Variants in NRG1 observed in about 807,000 individuals in gnomAD.
NRG1 encodes the protein neuregulin 1.
NRG1 carries 18 observed loss-of-function variants against 63.8 expected under a neutral mutation model. The observed-to-expected ratio is 0.28, with a 90% confidence interval of 0.19 to 0.42. The LOEUF (loss-of-function observed/expected upper bound fraction) is 0.42, where lower values mean the gene tolerates loss of function less well. Ranked by LOEUF, NRG1 falls within the 10% of genes least tolerant of loss-of-function variation. The pLI is 1.00. For synonymous variants in NRG1, 302 were observed against 301.3 expected (o/e 1.00, Z -0.02); for missense variants, 762 against 814.7 (o/e 0.94, Z 0.79).
chr8:31,747,489 C>G (rs1434529544), intron 1 of NRG1, among the ~76,000 whole-genome samples: 2 of 151,996 alleles, frequency 1.3e-5, no homozygotes, highest in African/African-American at 4.8e-5. Context: ...TTCAGAGTGT[C>G]TCCTCATCAT....
intron 1 of NRG1, among the ~76,000 whole-genome samples, chr8:31,652,954 T>C (rs536304004): frequency 4.9e-4 from 11 of 22,436 alleles, no homozygotes; most frequent in African/African-American, 1.1e-3. Context: ...CTTCCTCTCT[T>C]CTCTCCTCTC....
chr8:32,094,744 T>G (rs886489422), intron 1 of NRG1, among the ~76,000 whole-genome samples: 3 of 152,100 alleles, frequency 2.0e-5, no homozygotes, highest in African/African-American at 7.2e-5. Flanking sequence ...ACTAACACCT[T>G]GACAAAGTGT....
intron 1 of NRG1, among the ~76,000 whole-genome samples, chr8:31,819,934 T>G (rs1006114878): frequency 6.6e-6 from 1 of 152,226 alleles, no homozygotes; most frequent in East Asian, 1.9e-4. Context: ...TCTTCATCTT[T>G]ACATCAAGTT....
chr8:32,579,019 A>G (rs1295244246), intron 1 of NRG1, among the ~76,000 whole-genome samples: 1 of 152,132 alleles, frequency 6.6e-6, no homozygotes, highest in Non-Finnish European at 1.5e-5. Context: ...TGATATTTTT[A>G]TCAGCAAAGA....
chr8:32,565,421 T>C (rs988451607), intron 1 of NRG1, among the ~76,000 whole-genome samples: 2 of 152,230 alleles, frequency 1.3e-5, no homozygotes, highest in Non-Finnish European at 1.5e-5. Context: ...ATGCCCGGTC[T>C]AGAACTTTAA....
intron 1 of NRG1, among the ~76,000 whole-genome samples, chr8:31,895,150 A>T (rs1409467097): frequency 6.6e-6 from 1 of 152,212 alleles, no homozygotes; most frequent in East Asian, 1.9e-4. Context: ...ATGAGAGATT[A>T]AGGTCCCCTG....
In NRG1 at chr8:31,691,519, C is replaced by T. The variant is rs537778277; in HGVS notation, c.37+52088C>T. The stretch of plus-strand genomic sequence containing the variant: ...CTGAGGCGGGAGAACGGCATGAACC[C>T]GGGAGGCGGAGCTTGCAGTGAGCCG... On this transcript the variant is annotated intron_variant, in intron 1 of 10. Coordinates refer to the NRG1 transcript ENST00000519301. 9.2e-3 allele frequency among the ~76,000 whole-genome samples: 1,184 copies of T among 128,784 alleles called. 11 individuals carry two copies. Among genetic ancestry groups the T allele is most frequent in the African/African-American group, 0.032 (1,114 of 34,938 alleles). The allele number at this position is 128,784 out of a possible 152,430, so 84.5% of individuals were successfully genotyped here. A position where few individuals can be genotyped will look rare whatever the true frequency, so the allele number is the denominator to read the frequency against.
At chr8:32,072,018 T>G (rs887262773) in intron 1 of NRG1, among the ~76,000 whole-genome samples, 1 of 151,862 alleles carries the variant, frequency 6.6e-6, no homozygotes, top group Non-Finnish European at 1.5e-5. Context: ...AAAGGCAGAG[T>G]TCTTTCTTTT....
At chr8:32,279,224 T>C (rs1425634778) in intron 1 of NRG1, among the ~76,000 whole-genome samples, 1 of 152,222 alleles carries the variant, frequency 6.6e-6, no homozygotes, top group East Asian at 1.9e-4. Flanking sequence ...CTAGTGCCTT[T>C]ATGTGCCATA....
At chr8:32,407,526 A>G (rs1326947816) in intron 1 of NRG1, among the ~76,000 whole-genome samples, 9 of 152,014 alleles carry the variant, frequency 5.9e-5, no homozygotes, top group Admixed American at 1.3e-4. Flanking sequence ...TCTAACATCA[A>G]TTGATTGAAG....
intron 1 of NRG1, among the ~76,000 whole-genome samples, chr8:31,673,925 C>A (rs1807416293): frequency 6.6e-6 from 1 of 152,212 alleles, no homozygotes; most frequent in East Asian, 1.9e-4. Context: ...ACATTTCCAT[C>A]ATCCCCCAAA....
intron 1 of NRG1, among the ~76,000 whole-genome samples, chr8:31,976,405 T>G (rs1808184512): frequency 6.6e-6 from 1 of 152,148 alleles, no homozygotes; most frequent in African/African-American, 2.4e-5. Context: ...ATATTAACCA[T>G]ATGTTCTGAC....
chr8:32,371,903 T>G (rs1808909886), intron 1 of NRG1, among the ~76,000 whole-genome samples: 1 of 152,068 alleles, frequency 6.6e-6, no homozygotes, highest in South Asian at 2.1e-4. Context: ...ATTCTGATGG[T>G]CTCTGTTACT....
intron 1 of NRG1, among the ~76,000 whole-genome samples, chr8:32,457,466 T>C (rs1204836408): frequency 6.6e-6 from 1 of 152,192 alleles, no homozygotes; most frequent in Non-Finnish European, 1.5e-5. Context: ...CTGATTTTTT[T>C]CTCCAATTCA....
intron 1 of NRG1, among the ~76,000 whole-genome samples, chr8:31,774,779 G>A (rs575910790): frequency 2.6e-5 from 4 of 152,180 alleles, no homozygotes; most frequent in African/African-American, 7.2e-5. Flanking sequence ...TAAAGTACAC[G>A]AACAGACATT....
chr8:32,650,569 G>A (rs920523189), intron 5 of NRG1, among the ~76,000 whole-genome samples: 1 of 145,268 alleles, frequency 6.9e-6, no homozygotes, highest in African/African-American at 2.6e-5. Context: ...GAAAGGGATT[G>A]GTCCAGGCAG....
chr8:32,461,241 A>G (rs1587782716), intron 1 of NRG1, among the ~76,000 whole-genome samples: 1 of 152,188 alleles, frequency 6.6e-6, no homozygotes, highest in Non-Finnish European at 1.5e-5. Flanking sequence ...AAATTTCTAT[A>G]TTATGAAAGA....
intron 1 of NRG1, among the ~76,000 whole-genome samples, chr8:31,727,639 T>C (rs1490361833): frequency 6.6e-6 from 1 of 152,148 alleles, no homozygotes; most frequent in Non-Finnish European, 1.5e-5. Flanking sequence ...CTCTATAAAA[T>C]GTATCACTGG....
intron 1 of NRG1, among the ~76,000 whole-genome samples, chr8:32,486,468 G>T (rs923629886): frequency 1.3e-5 from 2 of 152,054 alleles, no homozygotes; most frequent in Non-Finnish European, 2.9e-5. Context: ...TTTGATAATA[G>T]AATATAGTCA....
Sources: gnomAD v4.1 joint callset for allele counts (sites outside exome capture counted in the v4.1 genomes callset) on GRCh38, gnomAD v4.1.1 for gene constraint, MANE v1.5 for transcripts, NCBI Gene and HGNC (gene_info 2026-07-23, HGNC 2026-07-21) for gene names.